The following PSME4 variants were observed in gnomAD, a reference collection of about 807,000 sequenced individuals.
PSME4 encodes proteasome activator subunit 4, also known as proteasome activator complex subunit 4.
A neutral mutation model predicts 253.9 loss-of-function variants in PSME4; 89 were observed. The observed-to-expected ratio is 0.35, with a 90% confidence interval of 0.30 to 0.42. PSME4 has a LOEUF of 0.42. Ranked by LOEUF, PSME4 falls within the 10% of genes least tolerant of loss-of-function variation. PSME4 has a pLI of 1.00. For synonymous variants in PSME4, 851 were observed against 759.2 expected, an observed-to-expected ratio of 1.12 and a Z score of -1.99; for missense variants, 2,014 against 2,195.2, an observed-to-expected ratio of 0.92 and a Z score of 1.65.
intron 27 of PSME4, among the ~76,000 whole-genome samples, chr2:53,902,799 T>A (rs1379649762): frequency 6.6e-6 from 1 of 152,234 alleles, no homozygotes; most frequent in Non-Finnish European, 1.5e-5. Flanking sequence ...TATAAATGAA[T>A]GAACATGGCT....
chr2:53,889,383 G>A (rs573379181), intron 37 of PSME4, among the ~76,000 whole-genome samples: 1 of 152,114 alleles, frequency 6.6e-6, no homozygotes, highest in South Asian at 2.1e-4. Context: ...CAATGTAAAT[G>A]CTATGTAAAT....
intron 1 of PSME4, among the ~76,000 whole-genome samples, chr2:53,962,860 A>T (rs1010223242): frequency 6.6e-6 from 1 of 151,956 alleles, no homozygotes; most frequent in African/African-American, 2.4e-5. Context: ...AAAACAGAAA[A>T]ATTCGCCAGG....
chr2:53,950,285 C>CA (rs201124935), intron 1 of PSME4, among the ~76,000 whole-genome samples: 34,901 of 131,336 alleles, frequency 0.27, 4,224 homozygotes, highest in South Asian at 0.34. Context: ...TCTTGTCTTC[C>CA]AAAAAAAAAA....
intron 18 of PSME4, 141 bp downstream of exon 18, chr2:53,920,746 CAA>C: frequency 4.0e-6 from 3 of 750,208 alleles, no homozygotes; most frequent in South Asian, 3.5e-5. Context: ...TGAGACAGCA[CAA>C]GTTTCACATA....
At chr2:53,888,623 A>G in intron 38 of PSME4, 98 bp downstream of exon 38, 1 of 781,078 alleles carries the variant, frequency 1.3e-6, no homozygotes, top group Non-Finnish European at 2.1e-6. Context: ...TAATTACTTC[A>G]TCTAGACTTT....
intron 43 of PSME4, among the ~76,000 whole-genome samples, chr2:53,871,450 T>C (rs1359730326): frequency 6.6e-6 from 1 of 151,738 alleles, no homozygotes; most frequent in Non-Finnish European, 1.5e-5. Flanking sequence ...GAGATGGGGT[T>C]TCACCATGTT....
intron 43 of PSME4, among the ~76,000 whole-genome samples, chr2:53,872,086 A>G (rs2104410921): frequency 6.6e-6 from 1 of 152,136 alleles, no homozygotes; most frequent in Non-Finnish European, 1.5e-5. Flanking sequence ...GTTTTAATTT[A>G]TTTTTCTCTT....
At chr2:53,956,849 ATTATC>A (rs1670260090) in intron 1 of PSME4, among the ~76,000 whole-genome samples, 1 of 152,204 alleles carries the variant, frequency 6.6e-6, no homozygotes, top group Non-Finnish European at 1.5e-5. Context: ...ATTTCTGTGT[ATTATC>A]TTAATTTAAA....
chr2:53,864,686 G>A lies in PSME4; in HGVS notation c.*892C>T, dbSNP rs1454658319. On this transcript the variant is annotated 3_prime_UTR_variant, in exon 47 of 47. Transcript: ENST00000404125. ...ATTAAACAAATCAATTAAATATTAA[G>A]CCTTATTAGTCTCTCAACGATTCTG... The A allele has an allele frequency of 6.6e-6, 1 of 152,436 alleles. No individual in the cohort carries two copies. Among genetic ancestry groups the A allele is most frequent in the Non-Finnish European group, 1.5e-5 (1 of 68,010 alleles). 9.4% of individuals were successfully genotyped at this position (152,436 alleles called of 1,614,324 possible). A position where few individuals can be genotyped will look rare whatever the true frequency, so the allele number is the denominator to read the frequency against.
chr2:53,869,509 G>A lies in PSME4; in HGVS notation c.5130C>T (p.Ser1710=), dbSNP rs766901888. ...EVREMAATTL[S]GLLQCNFLTM... ...TAAGAAAGTTACACTGTAGCAGACC[G>A]CTTAAGGTAGTAGCAGCCATTTCTC... Residue 1710 remains serine (S), a synonymous_variant, in exon 44 of 47, where the codon AGC becomes AGT. Transcript: ENST00000404125. 12 of 1,539,082 alleles carry A rather than the reference G, an allele frequency of 7.8e-6. No homozygotes were observed. Among genetic ancestry groups the A allele is most frequent in the Middle Eastern group, 1.7e-4 (1 of 5,764 alleles).
chr2:53,896,429 T>C (rs191887402), intron 32 of PSME4, among the ~76,000 whole-genome samples: 32 of 152,314 alleles, frequency 2.1e-4, no homozygotes, highest in African/African-American at 7.0e-4. Context: ...AAAATGGTTT[T>C]TTCTTCTGAA....
rs1558413918 is a variant in PSME4 at position 53,940,966 on chromosome 2, T to TAATAC, written c.501-967_501-966insGTATT. ...ATATATATATACATATATATATATA[T>TAATAC]ATATATATATATATATATATATATA... On this transcript the variant is annotated intron_variant, in intron 3 of 46. Transcript: ENST00000404125. Among the ~76,000 whole-genome samples, 38 of 67,782 alleles carry TAATAC rather than the reference T, an allele frequency of 5.6e-4. 1 individual carries two copies. In the East Asian group the frequency reaches 7.8e-3, roughly 14 times the overall value. 44.5% of individuals were successfully genotyped at this position (67,782 alleles called of 152,430 possible). A position where few individuals can be genotyped will look rare whatever the true frequency, so the allele number is the denominator to read the frequency against.
rs1278214890 is a variant in PSME4 at position 53,929,595 on chromosome 2, A to AT, written c.1317-1293dup. ...CAGGCATAAGCCAGCCTAGCTGCTT[A>AT]TTTTTTTTTTTTTTAATGGAGAAAA... On this transcript the variant is annotated intron_variant, in intron 10 of 46. Coordinates refer to ENST00000404125, the MANE Select transcript of PSME4 (RefSeq NM_014614.3). Among the ~76,000 whole-genome samples, 268 of 141,658 alleles carry AT rather than the reference A, an allele frequency of 1.9e-3. 1 individual carries two copies. Among genetic ancestry groups the AT allele is most frequent in the East Asian group, 8.3e-3 (40 of 4,842 alleles). The allele number at this position is 141,658 out of a possible 152,430, so 92.9% of individuals were successfully genotyped here.
intron 1 of PSME4, among the ~76,000 whole-genome samples, chr2:53,962,785 G>A (rs1330579150): frequency 6.6e-6 from 1 of 152,132 alleles, no homozygotes; most frequent in Non-Finnish European, 1.5e-5. Context: ...GGCTGAGGCA[G>A]GCGGATCATG....
chr2:53,906,175 G>T (rs1680650662), intron 26 of PSME4, among the ~76,000 whole-genome samples: 2 of 152,192 alleles, frequency 1.3e-5, no homozygotes, highest in South Asian at 4.1e-4. Flanking sequence ...TGTGGTAGCA[G>T]CTTCCTAAAA....
chr2:53,891,858 C>CAA (rs76144333), intron 36 of PSME4, among the ~76,000 whole-genome samples: 142 of 116,862 alleles, frequency 1.2e-3, no homozygotes, highest in Non-Finnish European at 2.3e-3. Flanking sequence ...TAAGACTGTC[C>CAA]AAAAAAAAAA....
chr2:53,923,994 T>C (rs554361071), intron 14 of PSME4, among the ~76,000 whole-genome samples: 1 of 149,094 alleles, frequency 6.7e-6, no homozygotes, highest in South Asian at 2.1e-4. Flanking sequence ...CATAAAATTA[T>C]ACCTGGTGGA....
At chr2:53,890,289 G>T in intron 36 of PSME4, 81 bp from the exon 37 acceptor site, 1 of 926,818 alleles carries the variant, frequency 1.1e-6, no homozygotes, top group Non-Finnish European at 1.7e-6. Flanking sequence ...ACCTGGAAAT[G>T]TACACACATA....
intron 1 of PSME4, among the ~76,000 whole-genome samples, chr2:53,951,540 C>T (rs1669995865): frequency 6.6e-6 from 1 of 152,190 alleles, no homozygotes; most frequent in East Asian, 1.9e-4. Context: ...CATGATCTCA[C>T]ATTAGTACTA....
Sources: allele counts gnomAD v4.1 joint callset (sites outside exome capture counted in the v4.1 genomes callset), GRCh38; gene constraint gnomAD v4.1.1; transcripts MANE v1.5; gene names NCBI Gene and HGNC (gene_info 2026-07-23, HGNC 2026-07-21).